The following LRRC49 variants were observed in gnomAD, a reference collection of about 807,000 sequenced individuals.
The protein encoded by LRRC49 is leucine-rich repeat-containing protein 49.
In LRRC49, 50 loss-of-function variants were observed where a neutral mutation model predicts 83.3. That is an observed-to-expected ratio of 0.60 (90% confidence interval 0.48 to 0.76). LRRC49 has a LOEUF of 0.76. Among genes scored for constraint, LRRC49 ranks in the 30% least tolerant of loss-of-function variants. The pLI, the probability that LRRC49 is intolerant of heterozygous loss-of-function variation, is 0.00. For synonymous variants in LRRC49, 286 were observed against 283.3 expected (o/e 1.01, Z -0.10); for missense variants, 704 against 809.1 (o/e 0.87, Z 1.58).
intron 15 of LRRC49, among the ~76,000 whole-genome samples, chr15:71,043,419 C>T (rs1294923774): frequency 6.6e-6 from 1 of 152,048 alleles, no homozygotes; most frequent in Non-Finnish European, 1.5e-5. Context: ...TTATGAATCC[C>T]ACAGGGATAT....
At chr15:70,949,811 A>T (rs1398249582) in intron 8 of LRRC49, among the ~76,000 whole-genome samples, 1 of 151,886 alleles carries the variant, frequency 6.6e-6, no homozygotes, top group Non-Finnish European at 1.5e-5. Flanking sequence ...TTTTGTTTTT[A>T]TTTATTTTTA....
chr15:70,924,493 A>G (rs1176953522), intron 7 of LRRC49, among the ~76,000 whole-genome samples: 2 of 152,048 alleles, frequency 1.3e-5, no homozygotes, highest in South Asian at 2.1e-4. Context: ...CTTAAATCAC[A>G]GAGTTAATAC....
At chr15:70,871,679 C>A (rs1316312037) in intron 1 of LRRC49, among the ~76,000 whole-genome samples, 1 of 149,268 alleles carries the variant, frequency 6.7e-6, no homozygotes, top group Non-Finnish European at 1.5e-5. Flanking sequence ...ACTTCTCAGA[C>A]GGGGCGGCCA....
At chr15:70,973,626 T>C (rs2037096221) in intron 9 of LRRC49, among the ~76,000 whole-genome samples, 1 of 151,748 alleles carries the variant, frequency 6.6e-6, no homozygotes, top group African/African-American at 2.4e-5. Flanking sequence ...GAGATGGGAG[T>C]TTTATCTATA....
rs1372600330 is a variant in LRRC49, at chr15:71,009,987, A to G, written c.1588A>G (p.Thr530Ala). 7 of 1,576,156 alleles carry G rather than the reference A, an allele frequency of 4.4e-6. No individual in the cohort carries two copies. The Admixed American group carries it at 1.2e-4, about 28-fold the overall frequency. ...SHFSMQKING[T>A]EVTQNDMIMA... is the part of the protein sequence containing the mutation. ...TTTCAGTATGCAGAAAATAAATGGA[A>G]CAGAGGTAAGCTAAAAACTAGATGA... The change falls in exon 13 of 16, where the codon ACA becomes GCA. Residue 530 changes from threonine to alanine, a missense_variant. Around this residue, in one of 3 missense-constraint regions of LRRC49, gnomAD observed 275 missense variants for 338.0 expected, o/e 0.81. Transcript: ENST00000260382.
intron 7 of LRRC49, among the ~76,000 whole-genome samples, chr15:70,927,587 C>T (rs1160632182): frequency 6.6e-6 from 1 of 152,148 alleles, no homozygotes; most frequent in African/African-American, 2.4e-5. Flanking sequence ...CCTACATTTT[C>T]CTCCAGAAGG....
rs149714563 is a variant in LRRC49 at position 70,926,565 on chromosome 15, C to T, written c.711+7372C>T. ...TAAGTTTTAGGGTACATGTGCACAA[C>T]GTGTAGGTTAGTTACATATGTATAC... is the stretch of plus-strand genomic sequence containing the variant. On this transcript the variant is annotated intron_variant, in intron 7 of 15. Transcript: ENST00000260382. Among the ~76,000 whole-genome samples the T allele has an allele frequency of 2.7e-3, 403 of 151,876 alleles. 1 individual carries two copies. The highest frequency in any genetic ancestry group is 4.3e-3 in the Non-Finnish European group (289 of 67,968).
intron 9 of LRRC49, among the ~76,000 whole-genome samples, chr15:70,973,490 C>T (rs1466809777): frequency 6.6e-6 from 1 of 152,126 alleles, no homozygotes; most frequent in Non-Finnish European, 1.5e-5. Flanking sequence ...GCAGTCTGTC[C>T]CTTAGCAGAG....
intron 14 of LRRC49, among the ~76,000 whole-genome samples, chr15:71,033,468 C>A (rs1439618702): frequency 6.6e-6 from 1 of 152,050 alleles, no homozygotes; most frequent in East Asian, 1.9e-4. Context: ...CTGCCCAAAG[C>A]AATTTACAGA....
chr15:70,859,079 T>C, intron 1 of LRRC49: 2 of 1,516,280 alleles, frequency 1.3e-6, no homozygotes, highest in South Asian at 1.1e-5. Context: ...GGAGACCAAG[T>C]GGAGCCTCCT....
chr15:71,008,329 G>A, intron 11 of LRRC49, 50 bp from the exon 12 acceptor site: 1 of 1,044,508 alleles, frequency 9.6e-7, no homozygotes, highest in Non-Finnish European at 1.5e-6. Context: ...TATACTGTTA[G>A]GTATTCTGCA....
At chr15:70,892,977 C>T (rs1281730237) in intron 1 of LRRC49, 35 bp downstream of exon 1, 1 of 1,610,040 alleles carries the variant, frequency 6.2e-7, no homozygotes, top group African/African-American at 1.3e-5. Flanking sequence ...TTTCTTCCCA[C>T]TGGTACTCTT....
At chr15:70,877,374 C>A (rs2033173309) in intron 2 of LRRC49, among the ~76,000 whole-genome samples, 1 of 152,186 alleles carries the variant, frequency 6.6e-6, no homozygotes. Context: ...TAGTCCCAAG[C>A]AACCACTGAT....
chr15:70,970,444 TTTG>T (rs1485205499), intron 9 of LRRC49, among the ~76,000 whole-genome samples: 1 of 152,138 alleles, frequency 6.6e-6, no homozygotes. Context: ...ATTTTCTTTT[TTTG>T]TTGTTGTTGT....
Position 71,003,015 on chromosome 15 carries a change from G to A in LRRC49, c.1170-5364G>A, listed in dbSNP as rs184227545. Among the ~76,000 whole-genome samples the A allele has an allele frequency of 3.1e-3, 359 of 116,758 alleles. 3 individuals are homozygous for A. The highest frequency in any genetic ancestry group is 0.011 in the African/African-American group (345 of 30,922). The allele number at this position is 116,758 out of a possible 152,430, so 76.6% of individuals were successfully genotyped here. ...CGCAATGGTGCAATCTCAGCCCACC[G>A]CAACCTCTGCCTCCCAGGTTCAAGC... is the stretch of plus-strand genomic sequence containing the variant. On this transcript the variant is annotated intron_variant, in intron 11 of 15. Transcript: ENST00000260382.
At chr15:71,047,682 C>A (rs1172758525) in intron 15 of LRRC49, among the ~76,000 whole-genome samples, 1 of 152,176 alleles carries the variant, frequency 6.6e-6, no homozygotes, top group Non-Finnish European at 1.5e-5. Flanking sequence ...CTTTCTCTTG[C>A]CTGACCGTTC....
intron 8 of LRRC49, among the ~76,000 whole-genome samples, chr15:70,962,825 T>C (rs1258411233): frequency 6.6e-6 from 1 of 152,092 alleles, no homozygotes; most frequent in Non-Finnish European, 1.5e-5. Context: ...GTGTGGGCTG[T>C]ACATGGTGAC....
At chr15:70,900,668 A>G (rs979365183) in intron 3 of LRRC49, 30 of 477,798 alleles carry the variant, frequency 6.3e-5, no homozygotes, top group Admixed American at 2.6e-4. Flanking sequence ...ATAGCACTGG[A>G]CTAGTTCTGT....
At chr15:70,947,179 G>A (rs965831032) in intron 8 of LRRC49, among the ~76,000 whole-genome samples, 1 of 152,088 alleles carries the variant, frequency 6.6e-6, no homozygotes, top group Non-Finnish European at 1.5e-5. Flanking sequence ...GGTGGGTTTA[G>A]GATCTAAGAT....
Sources: allele counts gnomAD v4.1 joint callset (sites outside exome capture counted in the v4.1 genomes callset), GRCh38; gene constraint gnomAD v4.1.1; regional missense constraint gnomAD v4.1.1; transcripts MANE v1.5; gene names NCBI Gene and HGNC (gene_info 2026-07-23, HGNC 2026-07-21).